DCAF8: variants seen among roughly 807,000 people sequenced by gnomAD.
DCAF8 encodes the protein DDB1 and CUL4 associated factor 8.
A neutral mutation model predicts 68.0 loss-of-function variants in DCAF8; 20 were observed. That is an observed-to-expected ratio of 0.29 (90% CI 0.21 to 0.43). The LOEUF is 0.43. Ranked by LOEUF, DCAF8 falls within the 20% of genes least tolerant of loss-of-function variation. The pLI is 1.00. For synonymous variants in DCAF8, 230 were observed against 276.9 expected (o/e 0.83, Z 1.68); for missense variants, 460 against 771.0 (o/e 0.60, Z 4.78).
Position 160,237,243 on chromosome 1 carries a change from A to C in DCAF8, c.865-14T>G. On this transcript the variant is annotated splice_polypyrimidine_tract_variant and intron_variant, in intron 5 of 13. Transcript: ENST00000368074. ...TTCCAGTGCCAACTGAAGAAGAAAAAGGAAAAACATGAGGTTTCTAAATAT... is the reference window on the plus strand; with the variant it reads ...TTCCAGTGCCAACTGAAGAAGAAAACGGAAAAACATGAGGTTTCTAAATAT... 6.5e-7 allele frequency: 1 copy of C among 1,531,484 alleles called. No individual in the cohort carries two copies. The highest frequency in any genetic ancestry group is 8.9e-7 in the Non-Finnish European group (1 of 1,128,444). 94.9% of individuals were successfully genotyped at this position (1,531,484 alleles called of 1,614,324 possible).
chr1:160,243,406 C>CTTTT (rs35258380), intron 3 of DCAF8, among the ~76,000 whole-genome samples: 4 of 138,968 alleles, frequency 2.9e-5, no homozygotes, highest in Non-Finnish European at 4.6e-5. Context: ...ATGTAATCAC[C>CTTTT]TTTTTTTTTT....
At chr1:160,259,548 A>AAACG (rs1553198973) in intron 2 of DCAF8, among the ~76,000 whole-genome samples, 2 of 150,576 alleles carry the variant, frequency 1.3e-5, no homozygotes, top group East Asian at 3.9e-4. Flanking sequence ...ACAAACAAAC[A>AAACG]AAAAAAACCT....
At chr1:160,254,986 C>T (rs1049479396) in intron 2 of DCAF8, among the ~76,000 whole-genome samples, 8 of 152,128 alleles carry the variant, frequency 5.3e-5, no homozygotes, top group African/African-American at 1.9e-4. Flanking sequence ...TGCTAAGAGC[C>T]TGTTTGTACA....
chr1:160,225,071 C>T lies in DCAF8; in HGVS notation c.1192G>A (p.Asp398Asn), dbSNP rs1173427133. The T allele has an allele frequency of 6.2e-7, 1 of 1,614,186 alleles. No individual in the cohort carries two copies. The highest frequency in any genetic ancestry group is 1.3e-5 in the African/African-American group (1 of 75,056). ...GGCCCTGCTCACGTACCTGTGCCGT[C>T]GTGGCTGTACACAAGACAGGTGATG... ...ANITCLVYSH[D>N]GTELLASYND... is the part of the protein sequence containing the mutation. The change falls in exon 9 of 14, where the codon GAC (aspartate) becomes AAC (asparagine). Residue 398 changes from aspartate to asparagine, a missense_variant. Physicochemically the swap from Asp to Asn is conservative, Grantham distance 23 (BLOSUM62 1). Transcript: ENST00000368074.
intron 6 of DCAF8, among the ~76,000 whole-genome samples, chr1:160,234,200 G>T (rs549766015): frequency 6.8e-6 from 1 of 147,892 alleles, no homozygotes; most frequent in South Asian, 2.2e-4. Flanking sequence ...ACAAGATCAT[G>T]CCACTGTACT....
intron 2 of DCAF8, among the ~76,000 whole-genome samples, chr1:160,254,701 G>C (rs1251388048): frequency 6.6e-6 from 1 of 152,012 alleles, no homozygotes; most frequent in East Asian, 1.9e-4. Context: ...TGAGGCAGGA[G>C]GACTGCTTGA....
At chr1:160,240,662 T>G (rs1276874013) in intron 3 of DCAF8, among the ~76,000 whole-genome samples, 3 of 152,244 alleles carry the variant, frequency 2.0e-5, no homozygotes, top group Non-Finnish European at 2.9e-5. Flanking sequence ...ATTGGCATAT[T>G]GTATAAAAGT....
intron 3 of DCAF8, among the ~76,000 whole-genome samples, chr1:160,243,533 C>T (rs569396314): frequency 5.9e-5 from 9 of 151,952 alleles, no homozygotes; most frequent in Non-Finnish European, 1.0e-4. Context: ...CATGAGCCAC[C>T]ATGCCCAGCC....
chr1:160,245,097 C>T (rs1557838767), intron 2 of DCAF8, among the ~76,000 whole-genome samples: 1 of 152,196 alleles, frequency 6.6e-6, no homozygotes, highest in Non-Finnish European at 1.5e-5. Context: ...TAAACCATCT[C>T]ATCCCATTTC....
intron 7 of DCAF8, among the ~76,000 whole-genome samples, chr1:160,227,552 C>T (rs1655518732): frequency 6.6e-6 from 1 of 152,152 alleles, no homozygotes; most frequent in Non-Finnish European, 1.5e-5. Flanking sequence ...CCACTACACC[C>T]CAACTAAGTG....
chr1:160,220,251 T>C (rs34003034), intron 11 of DCAF8: 2 of 152,256 alleles, frequency 1.3e-5, no homozygotes, highest in Non-Finnish European at 2.9e-5. Context: ...CCTGGAATAG[T>C]ATCTATCTAT....
intron 6 of DCAF8, among the ~76,000 whole-genome samples, chr1:160,232,779 CTG>C (rs1655738239): frequency 6.6e-6 from 1 of 152,136 alleles, no homozygotes; most frequent in Non-Finnish European, 1.5e-5. Flanking sequence ...GGTCTTGCCA[CTG>C]TACTTCTGCT....
At chr1:160,225,391 A>G (rs77791113) in intron 8 of DCAF8, among the ~76,000 whole-genome samples, 200 bp downstream of exon 8, 3,347 of 152,232 alleles carry the variant, frequency 0.022, 117 homozygotes, top group African/African-American at 0.077. Flanking sequence ...TTTTATTTCT[A>G]TTTTGTCGAT....
intron 5 of DCAF8, 64 bp from the exon 6 acceptor site, chr1:160,237,293 T>G: frequency 8.8e-7 from 1 of 1,141,154 alleles, no homozygotes; most frequent in Non-Finnish European, 1.3e-6. Flanking sequence ...ATCTAGTTCA[T>G]TCCTATAACT....
Position 160,217,319 on chromosome 1 carries a change from C to A in DCAF8, c.*273G>T. 2.8e-6 allele frequency: 1 copy of A among 357,726 alleles called. No individual in the cohort carries two copies. Among genetic ancestry groups the A allele is most frequent in the Non-Finnish European group, 5.0e-6 (1 of 200,352 alleles). 22.2% of individuals were successfully genotyped at this position (357,726 alleles called of 1,614,324 possible). On this transcript the variant is annotated 3_prime_UTR_variant, in exon 14 of 14. Coordinates refer to ENST00000368074, the MANE Select transcript of DCAF8 (RefSeq NM_015726.4). The stretch of plus-strand genomic sequence containing the variant: ...AAACCAGTTAACAAAATAGGCTTCC[C>A]TCTCCTCTCAAAAAGAGGCTTTGGG...
At chr1:160,234,032 C>A (rs528738953) in intron 6 of DCAF8, among the ~76,000 whole-genome samples, 3 of 152,186 alleles carry the variant, frequency 2.0e-5, no homozygotes, top group African/African-American at 7.2e-5. Flanking sequence ...ATACCTCAAA[C>A]TGGCTTCCAC....
chr1:160,243,987 T>C lies in DCAF8; in HGVS notation c.22A>G (p.Thr8Ala). Residue 8 changes from threonine (T) to alanine (A), a missense_variant, in exon 3 of 14, where the codon ACA (threonine) becomes GCA (alanine). Thr to Ala is a moderately conservative substitution (Grantham distance 58, BLOSUM62 0). This residue lies in a region of DCAF8 where 156 missense variants were observed against 181.4 expected (regional missense o/e 0.86). Coordinates refer to ENST00000368074, the MANE Select transcript of DCAF8 (RefSeq NM_015726.4). ...TTAGCTAAGTCTGTTCTGCCATCTGTGCTGCTCCCTTTGCTGGACATCTTG... is the reference window on the plus strand; with the variant it reads ...TTAGCTAAGTCTGTTCTGCCATCTGCGCTGCTCCCTTTGCTGGACATCTTG... MSSKGSS[T>A]DGRTDLANGS... 2 of 1,614,202 alleles carry C rather than the reference T, an allele frequency of 1.2e-6. No homozygotes were observed. The highest frequency in any genetic ancestry group is 1.7e-6 in the Non-Finnish European group (2 of 1,180,030).
chr1:160,222,734 C>T lies in DCAF8; in HGVS notation c.1357G>A (p.Gly453Ser), dbSNP rs1655339506. ...YGPKSEFVVSGSDCGHIFLWE... is the reference protein window; with the variant it reads ...YGPKSEFVVSSSDCGHIFLWE... ...AGGAAGATGTGCCCACAGTCACTAC[C>T]GCTCACCACAAACTCACTCTTGGGG... The change falls in exon 11 of 14, where the codon GGT (glycine) becomes AGT (serine). Residue 453 changes from glycine to serine, a missense_variant. Gly to Ser is a moderately conservative substitution (Grantham distance 56). Around this residue, in one of 8 missense-constraint regions of DCAF8, gnomAD observed 30 missense variants for 69.6 expected, o/e 0.43. Transcript: ENST00000368074. The T allele has an allele frequency of 6.2e-7, 1 of 1,614,148 alleles. No individual in the cohort carries two copies. The highest frequency in any genetic ancestry group is 8.5e-7 in the Non-Finnish European group (1 of 1,180,022).
At position 160,238,460 on chromosome 1, in the gene DCAF8, C is replaced by G. The variant is rs554676211; in HGVS notation, c.864+147G>C. Reference sequence around the variant, plus strand: ...GAGTTTAGGGTGGCTGCTTTTGCTCCTTTCTTAACCACAAATCTTAGGACT... The same window carrying G: ...GAGTTTAGGGTGGCTGCTTTTGCTCGTTTCTTAACCACAAATCTTAGGACT... On this transcript the variant is annotated intron_variant, in intron 5 of 13. Transcript: ENST00000368074. 8 of 937,550 alleles carry G rather than the reference C, an allele frequency of 8.5e-6. No individual in the cohort carries two copies. In the African/African-American group the frequency reaches 1.0e-4, roughly 12 times the overall value. 58.1% of individuals were successfully genotyped at this position (937,550 alleles called of 1,614,324 possible). A position where few individuals can be genotyped will look rare whatever the true frequency, so the allele number is the denominator to read the frequency against.
Sources: allele counts gnomAD v4.1 joint callset (sites outside exome capture counted in the v4.1 genomes callset), GRCh38; gene constraint gnomAD v4.1.1; regional missense constraint gnomAD v4.1.1; transcripts MANE v1.5; gene names NCBI Gene and HGNC (gene_info 2026-07-23, HGNC 2026-07-21).